Variants in CLASP1 observed in about 807,000 individuals in gnomAD.
The protein encoded by CLASP1 is CLIP-associating protein 1.
CLASP1 carries 38 observed loss-of-function variants against 192.3 expected under a neutral mutation model. The observed-to-expected ratio is 0.20, with a 90% CI of 0.15 to 0.26. The LOEUF (loss-of-function observed/expected upper bound fraction) is 0.26. Ranked by LOEUF, CLASP1 falls within the 10% of genes least tolerant of loss-of-function variation. CLASP1 has a pLI of 1.00. For synonymous variants in CLASP1, 691 were observed against 712.8 expected (o/e 0.97, Z 0.49); for missense variants, 1,433 against 1,932.5 (o/e 0.74, Z 4.85).
chr2:121,388,702 G>A (rs2073797093), intron 30 of CLASP1, among the ~76,000 whole-genome samples: 1 of 152,064 alleles, frequency 6.6e-6, no homozygotes, highest in African/African-American at 2.4e-5. Context: ...AATTACAATA[G>A]TTTTCATTTA....
intron 34 of CLASP1, among the ~76,000 whole-genome samples, chr2:121,370,619 C>A (rs1351199423): frequency 6.6e-6 from 1 of 152,162 alleles, no homozygotes; most frequent in Non-Finnish European, 1.5e-5. Context: ...GTCACCATGC[C>A]TGGTCCATTC....
At chr2:121,457,396 G>A (rs2086895419) in intron 14 of CLASP1, among the ~76,000 whole-genome samples, 1 of 151,210 alleles carries the variant, frequency 6.6e-6, no homozygotes, top group Non-Finnish European at 1.5e-5. Context: ...AAATGTACAG[G>A]GAGTCCTCTC....
intron 1 of CLASP1, among the ~76,000 whole-genome samples, chr2:121,636,649 G>C (rs574937022): frequency 6.6e-6 from 1 of 151,868 alleles, no homozygotes; most frequent in Admixed American, 6.6e-5. Context: ...TGGGCAACAA[G>C]AGCAAAACTC....
At chr2:121,356,888 T>A (rs2065488264) in intron 37 of CLASP1, among the ~76,000 whole-genome samples, 1 of 152,140 alleles carries the variant, frequency 6.6e-6, no homozygotes, top group South Asian at 2.1e-4. Flanking sequence ...CAGGGACAAA[T>A]GATGAGAAGG....
At chr2:121,339,473 A>G (rs902839271) in exon 40 of CLASP1, 1 of 152,244 alleles carries the variant, frequency 6.6e-6, no homozygotes, top group Non-Finnish European at 1.5e-5. Context: ...ACAGTAAGAG[A>G]CAATAGAAGT....
intron 32 of CLASP1, among the ~76,000 whole-genome samples, chr2:121,385,537 A>G (rs1332659598): frequency 2.0e-5 from 3 of 152,244 alleles, no homozygotes; most frequent in African/African-American, 4.8e-5. Flanking sequence ...ATGGAGACTG[A>G]CTTAGCCAGT....
chr2:121,544,169 T>C (rs2095285995), intron 2 of CLASP1, among the ~76,000 whole-genome samples: 1 of 152,236 alleles, frequency 6.6e-6, no homozygotes, highest in Non-Finnish European at 1.5e-5. Flanking sequence ...TGCCCACTGG[T>C]TGTGCTTCTG....
At chr2:121,525,226 C>G (rs2104636072) in intron 6 of CLASP1, among the ~76,000 whole-genome samples, 2 of 152,226 alleles carry the variant, frequency 1.3e-5, no homozygotes, top group East Asian at 3.9e-4. Flanking sequence ...AATGCTATTT[C>G]TCCAGCCCAG....
intron 1 of CLASP1, among the ~76,000 whole-genome samples, chr2:121,615,263 C>T (rs2106032373): frequency 6.6e-6 from 1 of 152,082 alleles, no homozygotes; most frequent in African/African-American, 2.4e-5. Context: ...CGCTTGGACC[C>T]GGGAGGTGGA....
chr2:121,633,117 A>C (rs1414755825), intron 1 of CLASP1, among the ~76,000 whole-genome samples: 1 of 151,286 alleles, frequency 6.6e-6, no homozygotes, highest in African/African-American at 2.4e-5. Flanking sequence ...GAGAAACTTA[A>C]ATTTTTAATT....
intron 8 of CLASP1, among the ~76,000 whole-genome samples, chr2:121,478,771 C>CCA (rs765484378): frequency 0.049 from 2,180 of 44,156 alleles, 123 homozygotes; most frequent in East Asian, 0.092. Context: ...ACCACACACC[C>CCA]CACACACACA....
intron 19 of CLASP1, among the ~76,000 whole-genome samples, chr2:121,438,265 C>A (rs2082644699): frequency 6.6e-6 from 1 of 152,226 alleles, no homozygotes; most frequent in Admixed American, 6.5e-5. Context: ...CCAAACACCA[C>A]AGGTGAAGTA....
chr2:121,448,281 G>C (rs1372555730), exon 18 of CLASP1: 2 of 1,613,324 alleles, frequency 1.2e-6, no homozygotes, highest in African/African-American at 2.7e-5. Context: ...CTCACCTCTA[G>C]ATGTGGTACT....
intron 14 of CLASP1, among the ~76,000 whole-genome samples, chr2:121,455,907 G>C (rs2086547701): frequency 6.6e-6 from 1 of 152,066 alleles, no homozygotes; most frequent in Admixed American, 6.6e-5. Flanking sequence ...GTAGAATGGT[G>C]GTTCTCAGAA....
intron 1 of CLASP1, among the ~76,000 whole-genome samples, chr2:121,630,681 T>C (rs865882756): frequency 2.1e-4 from 30 of 146,154 alleles, no homozygotes; most frequent in Admixed American, 9.7e-4. Context: ...CTGGCCAACA[T>C]GGCAAAACTC....
At chr2:121,469,877 A>T in exon 9 of CLASP1, 2 of 1,613,910 alleles carry the variant, frequency 1.2e-6, no homozygotes, top group African/African-American at 1.3e-5. Flanking sequence ...TTTCTCCGAG[A>T]ACTTGGTGGA....
intron 2 of CLASP1, among the ~76,000 whole-genome samples, chr2:121,535,560 G>A (rs2104905929): frequency 6.6e-6 from 1 of 151,850 alleles, no homozygotes; most frequent in South Asian, 2.1e-4. Flanking sequence ...ATAGGCAAGA[G>A]AGAATAGAGA....
chr2:121,464,398 C>T (rs2149908060), intron 9 of CLASP1, among the ~76,000 whole-genome samples: 1 of 152,214 alleles, frequency 6.6e-6, no homozygotes, highest in Admixed American at 6.5e-5. Flanking sequence ...ATTTCTAGTT[C>T]TAGATCCTTG....
intron 2 of CLASP1, chr2:121,531,019 T>C (rs771648555): frequency 2.0e-5 from 14 of 700,100 alleles, no homozygotes; most frequent in Admixed American, 2.0e-5. Flanking sequence ...TGAAAACCTG[T>C]TTTCATAGAC....
Sources: gnomAD v4.1 joint callset for allele counts (sites outside exome capture counted in the v4.1 genomes callset) on GRCh38, gnomAD v4.1.1 for gene constraint, MANE v1.5 for transcripts, NCBI Gene and HGNC (gene_info 2026-07-23, HGNC 2026-07-21) for gene names.